The following EPB41L2 variants were observed in gnomAD, a reference collection of about 807,000 sequenced individuals.
The protein encoded by EPB41L2 is erythrocyte membrane protein band 4.1 like 2.
Under a neutral mutation model 113.0 loss-of-function variants are expected in EPB41L2, and 43 were observed. The ratio of observed to expected loss-of-function variants is 0.38; its 90% CI spans 0.30 to 0.49. The LOEUF is 0.49. Ranked by LOEUF, EPB41L2 falls within the 20% of genes least tolerant of loss-of-function variation. The probability of loss-of-function intolerance (pLI) is 0.95; values close to 1 mark genes in which losing one functional copy is unlikely to be tolerated. For synonymous variants in EPB41L2, 442 were observed against 436.7 expected (o/e 1.01, Z -0.15); for missense variants, 1,147 against 1,223.4 (o/e 0.94, Z 0.93).
At chr6:130,875,542 C>T (rs573627133) in intron 14 of EPB41L2, among the ~76,000 whole-genome samples, 2 of 152,280 alleles carry the variant, frequency 1.3e-5, no homozygotes, top group Admixed American at 6.5e-5. Context: ...TACATTTTCA[C>T]ATGTCCACCT....
At chr6:130,907,388 T>G (rs1798049192) in intron 5 of EPB41L2, among the ~76,000 whole-genome samples, 1 of 152,134 alleles carries the variant, frequency 6.6e-6, no homozygotes, top group Non-Finnish European at 1.5e-5. Flanking sequence ...TTTTCCATCA[T>G]GAAGCAAGCA....
chr6:131,007,758 G>T (rs1367164002), intron 1 of EPB41L2, among the ~76,000 whole-genome samples: 1 of 152,172 alleles, frequency 6.6e-6, no homozygotes, highest in Non-Finnish European at 1.5e-5. Context: ...TTTTGCCCCT[G>T]CCCTAGAGAT....
At position 131,024,698 on chromosome 6, in the gene EPB41L2, C is replaced by T. The variant is rs150595300; in HGVS notation, c.-15+38457G>A. ...TTACTTAACAAATGCCAAGCACATA[C>T]GACGCACTAGGTGTTATACTAAACA... On this transcript the variant is annotated intron_variant, in intron 1 of 19. Transcript: ENST00000337057. Among the ~76,000 whole-genome samples the T allele has an allele frequency of 6.7e-3, 1,024 of 152,184 alleles. 20 individuals carry two copies. Among genetic ancestry groups the T allele is most frequent in the African/African-American group, 0.024 (986 of 41,514 alleles).
intron 2 of EPB41L2, 67 bp from the exon 3 acceptor site, chr6:130,955,384 G>T: frequency 7.0e-7 from 1 of 1,428,060 alleles, no homozygotes; most frequent in Non-Finnish European, 9.7e-7. Flanking sequence ...CATACTAAAA[G>T]GAAAATCTTT....
intron 1 of EPB41L2, among the ~76,000 whole-genome samples, chr6:131,045,780 T>C (rs973932464): frequency 6.6e-6 from 1 of 152,160 alleles, no homozygotes; most frequent in African/African-American, 2.4e-5. Flanking sequence ...TTTGTTACCA[T>C]TAAAAATCAC....
intron 1 of EPB41L2, chr6:130,970,267 C>T (rs960355655): frequency 1.3e-5 from 2 of 152,180 alleles, no homozygotes; most frequent in East Asian, 1.9e-4. Flanking sequence ...ATAATCGCCC[C>T]CCTTGAAATA....
At chr6:130,859,358 T>A (rs866883909) in intron 18 of EPB41L2, among the ~76,000 whole-genome samples, 1 of 151,986 alleles carries the variant, frequency 6.6e-6, no homozygotes, top group South Asian at 2.1e-4. Flanking sequence ...CAGTCTCTAC[T>A]AAAAACACCA....
At chr6:130,979,446 G>C (rs1778871010) in intron 1 of EPB41L2, among the ~76,000 whole-genome samples, 1 of 137,726 alleles carries the variant, frequency 7.3e-6, no homozygotes, top group Non-Finnish European at 1.5e-5. Flanking sequence ...AGTGAGCCAA[G>C]ATTGTGCCAC....
At chr6:130,920,000 A>T (rs1366349886) in intron 4 of EPB41L2, among the ~76,000 whole-genome samples, 1 of 151,824 alleles carries the variant, frequency 6.6e-6, no homozygotes, top group Non-Finnish European at 1.5e-5. Flanking sequence ...CAACTGCACC[A>T]CCTTTTATTC....
At chr6:130,937,605 G>C (rs9375783) in intron 3 of EPB41L2, among the ~76,000 whole-genome samples, 64,596 of 152,116 alleles carry the variant, frequency 0.42, 16,240 homozygotes, top group Non-Finnish European at 0.53. Context: ...TGGACCGTGA[G>C]GTCAGGAGTT....
chr6:130,945,819 T>G (rs991870642), intron 3 of EPB41L2, among the ~76,000 whole-genome samples: 1 of 152,046 alleles, frequency 6.6e-6, no homozygotes, highest in African/African-American at 2.4e-5. Context: ...AACCTTATTG[T>G]TTTTTTCCCC....
intron 8 of EPB41L2, among the ~76,000 whole-genome samples, chr6:130,896,184 A>C (rs1167670498): frequency 6.6e-6 from 1 of 152,232 alleles, no homozygotes; most frequent in Admixed American, 6.5e-5. Context: ...TTTATAAATA[A>C]AAGTATAGTA....
At chr6:130,880,625 T>C (rs1789017402) in intron 12 of EPB41L2, 1 of 487,728 alleles carries the variant, frequency 2.1e-6, no homozygotes, top group South Asian at 4.6e-5. Flanking sequence ...CCTCAGAAGA[T>C]GCAGAATATT....
chr6:131,050,484 TTAAC>T (rs758251396), intron 1 of EPB41L2, among the ~76,000 whole-genome samples: 14 of 152,224 alleles, frequency 9.2e-5, no homozygotes, highest in Non-Finnish European at 1.9e-4. Context: ...GGCAACCAAC[TTAAC>T]TAACACTGAT....
At chr6:130,905,871 A>G (rs1797573625) in intron 5 of EPB41L2, among the ~76,000 whole-genome samples, 1 of 152,138 alleles carries the variant, frequency 6.6e-6, no homozygotes, top group Admixed American at 6.6e-5. Context: ...TCACTCAAAT[A>G]TTTATTAAAT....
intron 1 of EPB41L2, among the ~76,000 whole-genome samples, chr6:131,008,107 C>G (rs764075616): frequency 8.5e-5 from 13 of 152,244 alleles, no homozygotes; most frequent in Non-Finnish European, 1.5e-4. Context: ...ACCTTCACAG[C>G]AGGTGCTTCC....
chr6:130,869,592 C>T lies in EPB41L2; in HGVS notation c.2578G>A (p.Val860Ile). The change falls in exon 15 of 20, where the codon GTT becomes ATT. Residue 860 changes from valine (V) to isoleucine (I), a missense_variant. Val to Ile is a conservative substitution (Grantham distance 29, BLOSUM62 3). Coordinates refer to ENST00000337057, the MANE Select transcript of EPB41L2 (RefSeq NM_001431.4). ...GAACAACAAATAATTTGTGGCAAAA[C>T]ATCAATGTCAACATGGGACACCTCT... is the stretch of plus-strand genomic sequence containing the variant. ...NGEVSHVDIDVLPQIICCSEP... is the reference protein window; with the variant it reads ...NGEVSHVDIDILPQIICCSEP... 2 of 1,614,178 alleles carry T rather than the reference C, an allele frequency of 1.2e-6. No individual in the cohort carries two copies. The highest frequency in any genetic ancestry group is 1.7e-6 in the Non-Finnish European group (2 of 1,180,014).
At chr6:130,948,806 T>G (rs1285726368) in intron 3 of EPB41L2, among the ~76,000 whole-genome samples, 1 of 152,056 alleles carries the variant, frequency 6.6e-6, no homozygotes, top group Non-Finnish European at 1.5e-5. Flanking sequence ...TATATGATGG[T>G]AAAAAAAGAA....
chr6:131,019,055 C>T (rs575658926), intron 1 of EPB41L2, among the ~76,000 whole-genome samples: 1 of 152,326 alleles, frequency 6.6e-6, no homozygotes, highest in South Asian at 2.1e-4. Context: ...AAAAACCCTA[C>T]TTGGGATATG....
Sources: allele counts gnomAD v4.1 joint callset (sites outside exome capture counted in the v4.1 genomes callset), GRCh38; gene constraint gnomAD v4.1.1; transcripts MANE v1.5; gene names NCBI Gene and HGNC (gene_info 2026-07-23, HGNC 2026-07-21).